The following LOC128092252 variants were observed in gnomAD, a reference collection of about 807,000 sequenced individuals.
the LOC128092252 span, among the ~76,000 whole-genome samples, chr15:50,681,967 CA>C: frequency 6.6e-6 from 1 of 152,024 alleles, no homozygotes; most frequent in African/African-American, 2.4e-5. Flanking sequence ...CACTTGAGGT[CA>C]GGAGTTCAAG....
the LOC128092252 span, among the ~76,000 whole-genome samples, chr15:50,655,706 T>C: frequency 6.6e-6 from 1 of 152,040 alleles, no homozygotes; most frequent in African/African-American, 2.4e-5. Context: ...ACCTTTAAAG[T>C]GCTGCAATGG....
the LOC128092252 span, among the ~76,000 whole-genome samples, chr15:50,655,951 C>A: frequency 6.6e-6 from 1 of 151,036 alleles, no homozygotes; most frequent in African/African-American, 2.4e-5. Flanking sequence ...GATCGCACCA[C>A]TGTATGCCAT....
At chr15:50,650,152 C>T in the LOC128092252 span, among the ~76,000 whole-genome samples, 10 of 126,118 alleles carry the variant, frequency 7.9e-5, no homozygotes, top group African/African-American at 3.1e-4. Context: ...GAGATTGGGC[C>T]ACTGCACTCC....
the LOC128092252 span, chr15:50,648,952 A>C: frequency 7.8e-7 from 1 of 1,282,778 alleles, no homozygotes; most frequent in Non-Finnish European, 1.1e-6. Flanking sequence ...ATGGAATTAA[A>C]AGTGAATGAA....
At chr15:50,655,517 A>C in the LOC128092252 span, among the ~76,000 whole-genome samples, 3 of 152,176 alleles carry the variant, frequency 2.0e-5, no homozygotes, top group South Asian at 6.2e-4. Flanking sequence ...AAGCAGAATA[A>C]GTACAAAGAG....
chr15:50,685,365 G>C, the LOC128092252 span, among the ~76,000 whole-genome samples: 3 of 152,250 alleles, frequency 2.0e-5, no homozygotes, highest in East Asian at 5.8e-4. Context: ...CCTGAGGCAG[G>C]AGAATCGCCT....
chr15:50,656,820 T>C, the LOC128092252 span, among the ~76,000 whole-genome samples: 1 of 152,158 alleles, frequency 6.6e-6, no homozygotes, highest in African/African-American at 2.4e-5. Context: ...AAGAAGGAAA[T>C]GTAGTTACCA....
the LOC128092252 span, among the ~76,000 whole-genome samples, chr15:50,678,248 A>C: frequency 7.9e-6 from 1 of 126,078 alleles, no homozygotes; most frequent in African/African-American, 3.0e-5. Flanking sequence ...TCAAAAAAAA[A>C]AAACAAAAAC....
At chr15:50,657,812 G>T in the LOC128092252 span, 1 of 1,611,156 alleles carries the variant, frequency 6.2e-7, no homozygotes, top group Non-Finnish European at 8.5e-7. Context: ...TGACATCCTG[G>T]AAGGCATCTA....
the LOC128092252 span, among the ~76,000 whole-genome samples, chr15:50,669,927 T>A: frequency 6.6e-6 from 1 of 152,192 alleles, no homozygotes; most frequent in Non-Finnish European, 1.5e-5. Context: ...CTTGGGACAG[T>A]TTTACTTATT....
the LOC128092252 span, among the ~76,000 whole-genome samples, chr15:50,666,320 G>A: frequency 6.6e-6 from 1 of 151,672 alleles, no homozygotes; most frequent in South Asian, 2.1e-4. Flanking sequence ...CGTGCCTGTA[G>A]ACCCAGCTAC....
At chr15:50,682,791 GTTCTTTTTACTGAT>G in the LOC128092252 span, among the ~76,000 whole-genome samples, 1 of 151,966 alleles carries the variant, frequency 6.6e-6, no homozygotes, top group Admixed American at 6.6e-5. Context: ...CCCATCTTAA[GTTCTTTTTACTGAT>G]TCACATAAAT....
the LOC128092252 span, among the ~76,000 whole-genome samples, chr15:50,649,505 CTAA>C: frequency 1.3e-5 from 2 of 151,174 alleles, no homozygotes; most frequent in African/African-American, 2.4e-5. Context: ...GAATGAACCA[CTAA>C]TAATACTACA....
the LOC128092252 span, among the ~76,000 whole-genome samples, chr15:50,684,898 G>C: frequency 3.9e-5 from 6 of 152,214 alleles, no homozygotes; most frequent in Non-Finnish European, 7.4e-5. Context: ...TAAAACATGA[G>C]ACAATCAGGG....
At chr15:50,656,760 T>C in the LOC128092252 span, among the ~76,000 whole-genome samples, 3 of 152,160 alleles carry the variant, frequency 2.0e-5, no homozygotes, top group African/African-American at 7.2e-5. Flanking sequence ...TTCTTCCTCT[T>C]ATACTTCCTC....
chr15:50,679,532 A>G, the LOC128092252 span, among the ~76,000 whole-genome samples: 2 of 33,388 alleles, frequency 6.0e-5, no homozygotes, highest in Non-Finnish European at 1.1e-4. Context: ...ATATATATAT[A>G]TATATATTTT....
the LOC128092252 span, among the ~76,000 whole-genome samples, chr15:50,673,295 T>C: frequency 7.9e-5 from 12 of 152,264 alleles, no homozygotes; most frequent in East Asian, 1.5e-3. Flanking sequence ...CCATAGGTTA[T>C]TGGAAACAGG....
chr15:50,670,872 G>A, the LOC128092252 span, among the ~76,000 whole-genome samples: 5 of 151,040 alleles, frequency 3.3e-5, no homozygotes, highest in African/African-American at 9.7e-5. Flanking sequence ...GTGCCAAAAC[G>A]TGTCAAAACA....
the LOC128092252 span, among the ~76,000 whole-genome samples, chr15:50,650,267 C>A: frequency 6.7e-6 from 1 of 149,430 alleles, no homozygotes; most frequent in African/African-American, 2.5e-5. Flanking sequence ...ACAGCAATAG[C>A]CGAAACAATT....
Sources: allele counts gnomAD v4.1 joint callset (sites outside exome capture counted in the v4.1 genomes callset), GRCh38; gene constraint gnomAD v4.1.1; transcripts MANE v1.5.